Variants in SYTL5 observed in about 807,000 individuals in gnomAD.
SYTL5 encodes synaptotagmin like 5.
SYTL5 carries 34 observed loss-of-function variants against 55.9 expected under a neutral mutation model. That is an observed-to-expected ratio of 0.61 (90% CI 0.46 to 0.81). The LOEUF is 0.81. Among genes scored for constraint, SYTL5 ranks in the 30% least tolerant of loss-of-function variants. SYTL5 has a pLI of 0.00. For missense variants in SYTL5, 637 were observed against 546.7 expected (o/e 1.17, Z -1.65); for synonymous variants, 221 against 188.7 (o/e 1.17, Z -1.40).
At chrX:38,024,429 T>A (rs73632424) in intron 1 of SYTL5, among the ~76,000 whole-genome samples, 10 of 111,142 alleles carry the variant, frequency 9.0e-5, no homozygotes, top group South Asian at 3.9e-4. Context: ...TCTTTTTTTT[T>A]AAATAAATTA....
At chrX:37,913,013 G>A in the SYTL5 span, among the ~76,000 whole-genome samples, 1 of 111,987 alleles carries the variant, frequency 8.9e-6, no homozygotes, top group East Asian at 2.8e-4. Context: ...CTTCTAGGAA[G>A]CCTGCTTAAA....
the SYTL5 span, among the ~76,000 whole-genome samples, chrX:37,938,023 A>G: frequency 4.5e-5 from 5 of 112,275 alleles, no homozygotes; most frequent in African/African-American, 1.6e-4. Flanking sequence ...TACTACATAG[A>G]TGATTGGGGG....
At chrX:37,995,939 A>G in the SYTL5 span, among the ~76,000 whole-genome samples, 1 of 112,376 alleles carries the variant, frequency 8.9e-6, no homozygotes, top group East Asian at 2.8e-4. Flanking sequence ...TGGGTGGCCC[A>G]TGGCAGATGA....
chrX:38,040,437 T>G (rs1478411981), intron 2 of SYTL5, among the ~76,000 whole-genome samples: 1 of 110,567 alleles, frequency 9.0e-6, no homozygotes, highest in African/African-American at 3.3e-5. Flanking sequence ...CTTTCTATTT[T>G]TTTAACTCAT....
At chrX:38,034,772 T>G (rs967520165) in intron 2 of SYTL5, among the ~76,000 whole-genome samples, 19 of 112,142 alleles carry the variant, frequency 1.7e-4, no homozygotes, top group African/African-American at 4.5e-4. Flanking sequence ...CACATCATTG[T>G]TCTGATCATT....
At chrX:38,038,836 G>A (rs1224681937) in intron 2 of SYTL5, among the ~76,000 whole-genome samples, 1 of 112,112 alleles carries the variant, frequency 8.9e-6, no homozygotes, top group Non-Finnish European at 1.9e-5. Context: ...TGGAGTTTGG[G>A]AGGCAGTGGA....
At chrX:38,120,593 C>A in intron 14 of SYTL5, 127 bp downstream of exon 14, 1 of 515,240 alleles carries the variant, frequency 1.9e-6, no homozygotes, top group Non-Finnish European at 3.3e-6. Flanking sequence ...GGTTTGGTGT[C>A]ACTGTCTTTT....
At chrX:37,968,391 C>A in the SYTL5 span, among the ~76,000 whole-genome samples, 1 of 111,073 alleles carries the variant, frequency 9.0e-6, no homozygotes, top group Non-Finnish European at 1.9e-5. Context: ...GCCTTTTTAC[C>A]CCCAGACCAT....
chrX:37,901,651 T>C, the SYTL5 span, among the ~76,000 whole-genome samples: 1 of 112,266 alleles, frequency 8.9e-6, no homozygotes, highest in Non-Finnish European at 1.9e-5. Context: ...GAAAACATTA[T>C]GCTCAGTGAA....
At chrX:38,029,595 T>C (rs1439745415) in intron 1 of SYTL5, among the ~76,000 whole-genome samples, 1 of 111,677 alleles carries the variant, frequency 9.0e-6, no homozygotes, top group Non-Finnish European at 1.9e-5. Flanking sequence ...AATCTAATGC[T>C]CTAAAGTAGG....
chrX:38,070,353 C>T (rs1936224531), intron 3 of SYTL5, among the ~76,000 whole-genome samples: 1 of 110,694 alleles, frequency 9.0e-6, no homozygotes, highest in Non-Finnish European at 1.9e-5. Context: ...GTTGCTTTTC[C>T]TCAGCCACCA....
At chrX:38,118,926 TA>T (rs1937535474) in intron 13 of SYTL5, among the ~76,000 whole-genome samples, 3 of 93,223 alleles carry the variant, frequency 3.2e-5, no homozygotes, top group African/African-American at 1.3e-4. Context: ...AGCTAATATA[TA>T]TATATATATA....
intron 1 of SYTL5, among the ~76,000 whole-genome samples, chrX:38,032,373 A>G (rs1934978745): frequency 8.9e-6 from 1 of 111,828 alleles, no homozygotes; most frequent in African/African-American, 3.2e-5. Context: ...AAGAGTTAGG[A>G]TGAGAGTCAG....
At chrX:37,991,062 A>G in the SYTL5 span, 1 of 1,211,587 alleles carries the variant, frequency 8.3e-7, no homozygotes, top group Non-Finnish European at 1.1e-6. Context: ...GGCCAGCAAC[A>G]ATGGCAGTAT....
chrX:38,084,908 T>C (rs1405538796), intron 6 of SYTL5, among the ~76,000 whole-genome samples: 11 of 111,192 alleles, frequency 9.9e-5, no homozygotes, highest in Non-Finnish European at 2.1e-4. Context: ...TGTTCATGTG[T>C]CACAAAATAT....
At chrX:38,114,606 A>G (rs980267843) in intron 13 of SYTL5, among the ~76,000 whole-genome samples, 3 of 112,056 alleles carry the variant, frequency 2.7e-5, no homozygotes, top group Admixed American at 9.5e-5. Context: ...GTTTCTAAAT[A>G]TGTATATATT....
At chrX:37,990,168 G>A in the SYTL5 span, among the ~76,000 whole-genome samples, 3 of 111,056 alleles carry the variant, frequency 2.7e-5, no homozygotes, top group African/African-American at 9.9e-5. Flanking sequence ...CACTGCGCCC[G>A]GCTGAGCATC....
chrX:38,046,977 G>T, intron 2 of SYTL5, among the ~76,000 whole-genome samples: 1 of 112,213 alleles, frequency 8.9e-6, no homozygotes, highest in Non-Finnish European at 1.9e-5. Flanking sequence ...GGTCACGCAC[G>T]CTGATGCAAG....
intron 9 of SYTL5, among the ~76,000 whole-genome samples, chrX:38,100,208 A>G (rs1367784563): frequency 1.8e-5 from 2 of 111,216 alleles, no homozygotes; most frequent in Admixed American, 1.9e-4. Flanking sequence ...TTCTTACAAG[A>G]TGCTATTCTA....
Sources: gnomAD v4.1 joint callset for allele counts (sites outside exome capture counted in the v4.1 genomes callset) on GRCh38, gnomAD v4.1.1 for gene constraint, MANE v1.5 for transcripts, NCBI Gene and HGNC (gene_info 2026-07-23, HGNC 2026-07-21) for gene names.